CDC42BPB: variants seen among roughly 807,000 people sequenced by gnomAD.
The protein encoded by CDC42BPB is serine/threonine-protein kinase MRCK beta.
In CDC42BPB, 37 loss-of-function variants were observed where a neutral mutation model predicts 214.9. The ratio of observed to expected loss-of-function variants is 0.17; its 90% CI spans 0.13 to 0.23. The LOEUF (loss-of-function observed/expected upper bound fraction) is 0.23. Ranked by LOEUF, CDC42BPB falls within the 10% of genes least tolerant of loss-of-function variation. CDC42BPB has a pLI of 1.00. For missense variants in CDC42BPB, 1,694 were observed against 2,227.0 expected, an observed-to-expected ratio of 0.76 and a Z score of 4.82; for synonymous variants, 931 against 884.0, an observed-to-expected ratio of 1.05 and a Z score of -0.94.
At chr14:102,967,428 T>A in intron 16 of CDC42BPB, 5 of 863,992 alleles carry the variant, frequency 5.8e-6, no homozygotes, top group Non-Finnish European at 7.0e-6. Flanking sequence ...AATACAAACA[T>A]CCTATTTAAA....
chr14:103,001,629 G>A lies in CDC42BPB; in HGVS notation c.448-1916C>T, dbSNP rs1047414142. ...TACGTTCAGAAGCCCAGGCACCGAG[G>A]TGCCACTGCGTGTGGAGGGCGATGC... is the stretch of plus-strand genomic sequence containing the variant. On this transcript the variant is annotated intron_variant, in intron 4 of 36. Transcript: ENST00000361246. The surrounding 1 kb of genome is among the most constrained non-coding windows in gnomAD (Gnocchi z 5.8). Among the ~76,000 whole-genome samples the A allele has an allele frequency of 6.6e-6, 1 of 152,210 alleles. No individual in the cohort carries two copies. The highest frequency in any genetic ancestry group is 1.5e-5 in the Non-Finnish European group (1 of 68,034).
chr14:102,978,963 T>A (rs1438070966), intron 8 of CDC42BPB, among the ~76,000 whole-genome samples: 1 of 152,190 alleles, frequency 6.6e-6, no homozygotes, highest in African/African-American at 2.4e-5. Flanking sequence ...GCTGAGGTTG[T>A]ATCACTGTAT....
At chr14:102,986,740 A>C in intron 5 of CDC42BPB, 160 bp from the exon 6 acceptor site, 1 of 985,372 alleles carries the variant, frequency 1.0e-6, no homozygotes, top group Non-Finnish European at 1.2e-6. Flanking sequence ...TTCAGCTGGC[A>C]TGGTGGCAGC....
chr14:102,934,114 G>C (rs1471287998), intron 36 of CDC42BPB: 1 of 966,574 alleles, frequency 1.0e-6, no homozygotes, highest in African/African-American at 1.7e-5. Context: ...AAATCAGATG[G>C]GGCCGGACGC....
chr14:102,978,160 A>G lies in CDC42BPB; in HGVS notation c.1186T>C (p.Leu396=). The change falls in exon 9 of 37, where the codon TTG becomes CTG. Residue 396 remains leucine, a synonymous_variant. Transcript: ENST00000361246. ...GSHTGFSGLH[L]PFIGFTFTTE... is the part of the protein sequence containing the mutation. ...GTGAATGTAAAACCAATGAATGGCAAATGTAATCCAGAAAAGCCTGTGTGA... is the reference window on the plus strand; with the variant it reads ...GTGAATGTAAAACCAATGAATGGCAGATGTAATCCAGAAAAGCCTGTGTGA... 6.2e-7 allele frequency: 1 copy of G among 1,613,928 alleles called. No homozygotes were observed. Among genetic ancestry groups the G allele is most frequent in the Non-Finnish European group, 8.5e-7 (1 of 1,179,782 alleles).
At chr14:103,040,982 A>C (rs1275719573) in intron 1 of CDC42BPB, among the ~76,000 whole-genome samples, 3 of 152,244 alleles carry the variant, frequency 2.0e-5, no homozygotes, top group Non-Finnish European at 4.4e-5. Context: ...AACAATCTTG[A>C]AAAACAACAA....
chr14:102,992,059 C>T (rs973017509), intron 5 of CDC42BPB, among the ~76,000 whole-genome samples: 2 of 152,102 alleles, frequency 1.3e-5, no homozygotes, highest in Non-Finnish European at 2.9e-5. Flanking sequence ...GAGCAGTGCA[C>T]ATCTAGAACA....
intron 13 of CDC42BPB, 21 bp downstream of exon 13, chr14:102,971,898 C>G: frequency 6.2e-7 from 1 of 1,612,292 alleles, no homozygotes; most frequent in South Asian, 1.1e-5. Flanking sequence ...GATACCATCC[C>G]TGAACCATCT....
At chr14:103,046,558 T>G (rs190761614) in intron 1 of CDC42BPB, among the ~76,000 whole-genome samples, 1 of 152,302 alleles carries the variant, frequency 6.6e-6, no homozygotes, top group Admixed American at 6.5e-5. Context: ...GTAACAAACG[T>G]GTGCAGGAAT....
chr14:102,978,095 T>C (rs370208728), intron 9 of CDC42BPB, 31 bp downstream of exon 9: 42 of 1,527,702 alleles, frequency 2.7e-5, no homozygotes, highest in Middle Eastern at 3.4e-4. Flanking sequence ...AGGGGAAGTG[T>C]CTCCCTGGGG....
At chr14:103,049,550 G>A (rs1888490351) in intron 1 of CDC42BPB, among the ~76,000 whole-genome samples, 1 of 152,260 alleles carries the variant, frequency 6.6e-6, no homozygotes, top group Non-Finnish European at 1.5e-5. Context: ...GTGGGAAGTT[G>A]GAGCGCGGAG....
At chr14:102,954,522 G>T in intron 22 of CDC42BPB, 80 bp downstream of exon 22, 1 of 1,436,338 alleles carries the variant, frequency 7.0e-7, no homozygotes, top group Non-Finnish European at 9.6e-7. Flanking sequence ...GTTATGCAGG[G>T]GCCAGGTGAG....
rs1388994549 is a variant in CDC42BPB, at chr14:102,978,122, A to G, written c.1220+4T>C. 6.2e-7 allele frequency: 1 copy of G among 1,604,798 alleles called. No individual in the cohort carries two copies. Among genetic ancestry groups the G allele is most frequent in the African/African-American group, 1.3e-5 (1 of 74,756 alleles). On this transcript the variant is annotated splice_donor_region_variant and intron_variant, in intron 9 of 36. Coordinates refer to ENST00000361246, the MANE Select transcript of CDC42BPB (RefSeq NM_006035.4). ...TCCCTGGGGAATGATAAATCCAGAC[A>G]TACCTTTCCGTTGTGAATGTAAAAC...
At chr14:103,053,271 C>G (rs1033214023) in intron 1 of CDC42BPB, among the ~76,000 whole-genome samples, 1 of 151,670 alleles carries the variant, frequency 6.6e-6, no homozygotes, top group Non-Finnish European at 1.5e-5. Context: ...TGCTTGAACC[C>G]GGGAGGCGGA....
chr14:102,969,982 C>A (rs536940616), intron 14 of CDC42BPB, among the ~76,000 whole-genome samples, 169 bp downstream of exon 14: 1 of 152,194 alleles, frequency 6.6e-6, no homozygotes, highest in African/African-American at 2.4e-5. Flanking sequence ...AAAGCAGTCA[C>A]GAAGGCAGGG....
At chr14:102,967,391 CTT>C (rs1595475656) in intron 16 of CDC42BPB, 9 of 984,112 alleles carry the variant, frequency 9.1e-6, no homozygotes, top group Non-Finnish European at 1.1e-5. Context: ...GAGCTAGTGA[CTT>C]CAGGCAATTG....
At position 102,950,522 on chromosome 14, in the gene CDC42BPB, G is replaced by C. The variant is rs765867653; in HGVS notation, c.3253C>G (p.Pro1085Ala). 1.4e-5 allele frequency: 22 copies of C among 1,613,272 alleles called. 1 individual carries two copies. The highest frequency in any genetic ancestry group is 1.8e-5 in the Non-Finnish European group (21 of 1,179,954). The change falls in exon 25 of 37, where the codon CCT becomes GCT. Residue 1085 changes from proline (P) to alanine (A), a missense_variant. Pro to Ala is a conservative substitution (Grantham distance 27). Around this residue, in one of 7 missense-constraint regions of CDC42BPB, gnomAD observed 567 missense variants for 790.3 expected, o/e 0.72. Transcript: ENST00000361246. Reference protein sequence around the residue: ...CPIPPEQSKRPLGVDVQRGIG... With the variant: ...CPIPPEQSKRALGVDVQRGIG... Reference sequence around the variant, plus strand: ...CCTCGCTGCACGTCCACGCCCAGAGGCCTCTTGGACTGCTCGGGAGGTATT... The same window carrying C: ...CCTCGCTGCACGTCCACGCCCAGAGCCCTCTTGGACTGCTCGGGAGGTATT...
chr14:103,045,820 C>T (rs928722760), intron 1 of CDC42BPB, among the ~76,000 whole-genome samples: 1 of 152,172 alleles, frequency 6.6e-6, no homozygotes, highest in Non-Finnish European at 1.5e-5. Flanking sequence ...CACACTGCCA[C>T]GAGCCTCAAG....
intron 1 of CDC42BPB, among the ~76,000 whole-genome samples, chr14:103,028,221 C>T (rs1370339129): frequency 6.6e-6 from 1 of 152,172 alleles, no homozygotes; most frequent in Admixed American, 6.5e-5. Flanking sequence ...GAGGGGGTCA[C>T]AACAGAGACT....
Sources: gnomAD v4.1 joint callset for allele counts (sites outside exome capture counted in the v4.1 genomes callset) on GRCh38, gnomAD v4.1.1 for gene constraint, gnomAD v4.1.1 regional missense constraint, Gnocchi (gnomAD v3.1) non-coding constraint, MANE v1.5 for transcripts, NCBI Gene and HGNC (gene_info 2026-07-23, HGNC 2026-07-21) for gene names.